DZIP1: variants seen among roughly 807,000 people sequenced by gnomAD.
The protein encoded by DZIP1 is DAZ interacting zinc finger protein 1, also known as cilium assembly protein DZIP1.
Under a neutral mutation model 107.6 loss-of-function variants are expected in DZIP1, and 97 were observed. The observed-to-expected ratio is 0.90, with a 90% CI of 0.77 to 1.07. The LOEUF (loss-of-function observed/expected upper bound fraction) is 1.07. Ranked by LOEUF, DZIP1 falls within the 50% of genes least tolerant of loss-of-function variation. DZIP1 has a pLI of 0.00. For missense variants in DZIP1, 1,035 were observed against 1,063.6 expected (o/e 0.97, Z 0.37); for synonymous variants, 390 against 386.4 (o/e 1.01, Z -0.11).
intron 10 of DZIP1, among the ~76,000 whole-genome samples, chr13:95,619,167 T>G (rs1315987145): frequency 6.6e-6 from 1 of 152,246 alleles, no homozygotes; most frequent in African/African-American, 2.4e-5. Context: ...ATGAAAGTCA[T>G]TAAAAGTCAT....
chr13:95,586,490 G>A (rs2044163697), intron 20 of DZIP1, among the ~76,000 whole-genome samples: 1 of 152,050 alleles, frequency 6.6e-6, no homozygotes, highest in African/African-American at 2.4e-5. Flanking sequence ...GAGAGCGACT[G>A]TGCCTGGCCT....
At chr13:95,620,093 C>G in intron 9 of DZIP1, 146 bp from the exon 10 acceptor site, 2 of 767,180 alleles carry the variant, frequency 2.6e-6, no homozygotes, top group Non-Finnish European at 4.1e-6. Context: ...GCTCTCGGTC[C>G]CCACTCAAAT....
rs1037291587 is a variant in DZIP1, at chr13:95,584,856, A to G, written c.2404T>C (p.Ser802Pro). The G allele has an allele frequency of 2.5e-6, 4 of 1,613,968 alleles. No homozygotes were observed. The highest frequency in any genetic ancestry group is 2.2e-5 in the East Asian group (1 of 44,882). ...TCTTTCCCAGATTTTTTTCCCAAAG[A>G]TATCTCTTCCTCTAGGGATGATATG... Reference protein sequence around the residue: ...WDISSLEEEISLGKKSGKEQK... With the variant: ...WDISSLEEEIPLGKKSGKEQK... Residue 802 changes from serine to proline, a missense_variant, in exon 22 of 23, where the codon TCT becomes CCT. Ser to Pro is a moderately conservative substitution (Grantham distance 74, BLOSUM62 -1). Coordinates refer to ENST00000376829, the MANE Select transcript of DZIP1 (RefSeq NM_198968.4).
At chr13:95,601,036 G>A (rs1158321286) in intron 14 of DZIP1, among the ~76,000 whole-genome samples, 1 of 152,120 alleles carries the variant, frequency 6.6e-6, no homozygotes, top group Non-Finnish European at 1.5e-5. Flanking sequence ...AAGGTCACAA[G>A]GAAACTTTTA....
At chr13:95,614,063 C>T (rs1182128599) in intron 10 of DZIP1, among the ~76,000 whole-genome samples, 1 of 146,998 alleles carries the variant, frequency 6.8e-6, no homozygotes, top group Non-Finnish European at 1.5e-5. Flanking sequence ...GAGGTTGGAG[C>T]TGCAGTGAGC....
intron 10 of DZIP1, among the ~76,000 whole-genome samples, chr13:95,619,278 A>C (rs924473227): frequency 6.6e-6 from 1 of 152,232 alleles, no homozygotes; most frequent in Admixed American, 6.5e-5. Context: ...AAAACTATGT[A>C]TATATGAGGT....
chr13:95,622,824 C>T (rs1490205321), intron 8 of DZIP1, among the ~76,000 whole-genome samples: 2 of 151,390 alleles, frequency 1.3e-5, no homozygotes, highest in Non-Finnish European at 2.9e-5. Context: ...CTCACTGCAG[C>T]CTCAACCCCC....
Position 95,587,662 on chromosome 13 carries a change from C to T in DZIP1, c.2095G>A (p.Gly699Ser). The change falls in exon 20 of 23, where the codon GGC becomes AGC. Residue 699 changes from glycine (G) to serine (S), a missense_variant. Physicochemically the swap from Gly to Ser is moderately conservative, Grantham distance 56. Transcript: ENST00000376829. ...DDLIRAYASPGPLPVPPPQNK... is the reference protein window; with the variant it reads ...DDLIRAYASPSPLPVPPPQNK... ...TGTGGTGGCGGCACAGGAAGTGGGC[C>T]TGGGGATGCGTATGCCCGGATGAGG... is the stretch of plus-strand genomic sequence containing the variant. 3 of 1,614,140 alleles carry T rather than the reference C, an allele frequency of 1.9e-6. No individual in the cohort carries two copies. Among genetic ancestry groups the T allele is most frequent in the Non-Finnish European group, 2.5e-6 (3 of 1,180,014 alleles).
intron 10 of DZIP1, among the ~76,000 whole-genome samples, chr13:95,615,242 C>T (rs1028862577): frequency 2.0e-5 from 3 of 152,182 alleles, no homozygotes; most frequent in East Asian, 1.9e-4. Context: ...AAAACTGTAA[C>T]TCGCTTTCTA....
intron 14 of DZIP1, among the ~76,000 whole-genome samples, chr13:95,603,206 A>G (rs1000990223): frequency 6.7e-6 from 1 of 148,798 alleles, no homozygotes; most frequent in African/African-American, 2.5e-5. Flanking sequence ...TGCAGTCTCA[A>G]CTACGTGGGA....
intron 16 of DZIP1, among the ~76,000 whole-genome samples, chr13:95,592,958 G>A (rs1463768563): frequency 6.6e-6 from 1 of 152,144 alleles, no homozygotes; most frequent in Admixed American, 6.6e-5. Flanking sequence ...GGGAAGTAGG[G>A]GGTGATACTG....
intron 16 of DZIP1, 82 bp downstream of exon 16, chr13:95,593,862 T>C: frequency 2.7e-6 from 4 of 1,496,114 alleles, no homozygotes; most frequent in South Asian, 1.4e-5. Flanking sequence ...TTGATGTGCT[T>C]TCTTCTCTTC....
At chr13:95,587,036 G>A (rs573764468) in intron 20 of DZIP1, among the ~76,000 whole-genome samples, 1 of 152,326 alleles carries the variant, frequency 6.6e-6, no homozygotes, top group Admixed American at 6.5e-5. Context: ...TGGAGGCACA[G>A]TCTTTGCAAA....
chr13:95,578,268 A>G lies in DZIP1; in HGVS notation c.*3966T>C, dbSNP rs897229798. ...TAAAATGTTTTCTACATTTATATAG[A>G]ACATGAAAAGCATTTAGTACCAAAG... is the stretch of plus-strand genomic sequence containing the variant. On this transcript the variant is annotated 3_prime_UTR_variant, in exon 23 of 23. Transcript: ENST00000376829. The G allele has an allele frequency of 2.1e-5, 6 of 282,658 alleles. No individual in the cohort carries two copies. Among genetic ancestry groups the G allele is most frequent in the Non-Finnish European group, 4.0e-5 (6 of 150,962 alleles). The allele number at this position is 282,658 out of a possible 1,614,324, so 17.5% of individuals were successfully genotyped here.
In DZIP1 at chr13:95,578,377, C is replaced by G. The variant is rs2043967808; in HGVS notation, c.*3857G>C. ...CCCACTCCTTATGTTTCTTTTCATTCATAAACAGGTGTATAAGGAACAATG... is the reference window on the plus strand; with the variant it reads ...CCCACTCCTTATGTTTCTTTTCATTGATAAACAGGTGTATAAGGAACAATG... On this transcript the variant is annotated 3_prime_UTR_variant, in exon 23 of 23. Transcript: ENST00000376829. The G allele has an allele frequency of 1.3e-5, 2 of 159,200 alleles. No individual in the cohort carries two copies. The highest frequency in any genetic ancestry group is 1.3e-4 in the Admixed American group (2 of 15,698). The allele number at this position is 159,200 out of a possible 1,614,324, so 9.9% of individuals were successfully genotyped here.
At chr13:95,604,987 A>T (rs1274110732) in intron 14 of DZIP1, among the ~76,000 whole-genome samples, 1 of 152,260 alleles carries the variant, frequency 6.6e-6, no homozygotes, top group Non-Finnish European at 1.5e-5. Context: ...ACTTGTAAAT[A>T]AGAAGATCAA....
At chr13:95,590,497 G>A (rs1050605683) in intron 16 of DZIP1, 56 bp from the exon 17 acceptor site, 28 of 1,497,030 alleles carry the variant, frequency 1.9e-5, no homozygotes, top group African/African-American at 1.4e-4. Flanking sequence ...CATTTCATGG[G>A]CATATATCAG....
rs778813725 is a variant in DZIP1 at position 95,586,070 on chromosome 13, T to C, written c.2285A>G (p.Lys762Arg). The C allele has an allele frequency of 1.6e-5, 26 of 1,612,100 alleles. No homozygotes were observed. The highest frequency in any genetic ancestry group is 3.4e-5 in the Admixed American group (2 of 59,600). Reference sequence around the variant, plus strand: ...AGGGACATTAGTTCCACCGACTGGTTTGTTCACATTTTTGCGATGTGGAAA... The same window carrying C: ...AGGGACATTAGTTCCACCGACTGGTCTGTTCACATTTTTGCGATGTGGAAA... ...KMFPHRKNVN[K>R]PVGGTNVPEM... Residue 762 changes from lysine (K) to arginine (R), a missense_variant, in exon 21 of 23, where the codon AAA (lysine) becomes AGA (arginine). Transcript: ENST00000376829.
At chr13:95,610,453 G>C (rs1342343207) in intron 12 of DZIP1, among the ~76,000 whole-genome samples, 1 of 151,826 alleles carries the variant, frequency 6.6e-6, no homozygotes, top group Non-Finnish European at 1.5e-5. Context: ...TGTGACTACA[G>C]GTGCCTGCTG....
Sources: allele counts gnomAD v4.1 joint callset (sites outside exome capture counted in the v4.1 genomes callset), GRCh38; gene constraint gnomAD v4.1.1; transcripts MANE v1.5; gene names NCBI Gene and HGNC (gene_info 2026-07-23, HGNC 2026-07-21).